IMMP2L: variants seen among roughly 807,000 people sequenced by gnomAD.
IMMP2L encodes inner mitochondrial membrane peptidase subunit 2, also known as mitochondrial inner membrane protease subunit 2.
Under a neutral mutation model 19.3 loss-of-function variants are expected in IMMP2L, and 18 were observed. The observed-to-expected ratio is 0.93, with a 90% confidence interval of 0.64 to 1.38. IMMP2L has a LOEUF of 1.38. Ranked by LOEUF, IMMP2L falls within the 40% of genes most tolerant of loss-of-function variation. The pLI is 0.00. For synonymous variants in IMMP2L, 76 were observed against 73.0 expected (o/e 1.04, Z -0.21); for missense variants, 233 against 218.2 (o/e 1.07, Z -0.43).
intron 3 of IMMP2L, among the ~76,000 whole-genome samples, chr7:111,193,972 T>C (rs186366071): frequency 6.6e-6 from 1 of 152,332 alleles, no homozygotes; most frequent in East Asian, 1.9e-4. Context: ...AAAATTTCTC[T>C]GCTCTTTTAG....
chr7:110,849,037 C>T (rs1805944244), intron 5 of IMMP2L, among the ~76,000 whole-genome samples: 1 of 151,966 alleles, frequency 6.6e-6, no homozygotes, highest in African/African-American at 2.4e-5. Context: ...ATGTACACAA[C>T]CAAGAACGAA....
At chr7:110,945,443 G>C (rs992153967) in intron 4 of IMMP2L, among the ~76,000 whole-genome samples, 2 of 151,836 alleles carry the variant, frequency 1.3e-5, no homozygotes, top group African/African-American at 2.4e-5. Context: ...CTTGCTTCTT[G>C]CACTTTCCCT....
rs922798798 is a variant in IMMP2L at position 110,914,737 on chromosome 7, C to T, written c.306-28042G>A. ...AAACTAAGTTCTTTCAGACACATTA[C>T]AGCAAGTTTAGTATGAGTTTAATTT... On this transcript the variant is annotated intron_variant, in intron 4 of 5. Transcript: ENST00000405709. Among the ~76,000 whole-genome samples, 10 of 152,252 alleles carry T rather than the reference C, an allele frequency of 6.6e-5. No individual in the cohort carries two copies. The East Asian group carries it at 1.7e-3, about 26-fold the overall frequency.
intron 3 of IMMP2L, among the ~76,000 whole-genome samples, chr7:111,201,682 C>G (rs997398259): frequency 2.0e-5 from 3 of 150,738 alleles, no homozygotes; most frequent in African/African-American, 7.3e-5. Context: ...CGCCACTGCA[C>G]TCCAGCCTTG....
chr7:111,251,142 G>A (rs1056453810), intron 3 of IMMP2L, among the ~76,000 whole-genome samples: 5 of 152,084 alleles, frequency 3.3e-5, no homozygotes, highest in Admixed American at 2.6e-4. Flanking sequence ...GTAAACATAT[G>A]AAAAAAGCTC....
chr7:110,796,450 G>A (rs1021279313), intron 5 of IMMP2L, among the ~76,000 whole-genome samples: 1 of 151,900 alleles, frequency 6.6e-6, no homozygotes, highest in East Asian at 1.9e-4. Context: ...ATCTTTTCTT[G>A]TCTTCATTAT....
chr7:110,848,401 G>A (rs1427917610), intron 5 of IMMP2L, among the ~76,000 whole-genome samples: 1 of 152,112 alleles, frequency 6.6e-6, no homozygotes, highest in Non-Finnish European at 1.5e-5. Context: ...CCGAAATGCT[G>A]ACAACCCCAA....
chr7:110,879,847 A>T (rs148351912), intron 5 of IMMP2L, among the ~76,000 whole-genome samples: 1,829 of 152,240 alleles, frequency 0.012, 24 homozygotes, highest in Middle Eastern at 0.068. Flanking sequence ...TGTCAAATAC[A>T]AGTGGTAAGA....
At chr7:111,381,623 A>G (rs1391687749) in intron 3 of IMMP2L, among the ~76,000 whole-genome samples, 1 of 151,998 alleles carries the variant, frequency 6.6e-6, no homozygotes, top group Non-Finnish European at 1.5e-5. Flanking sequence ...AGACTATTGC[A>G]ATCGCCAAGG....
chr7:111,335,461 C>A (rs1339287932), intron 3 of IMMP2L, among the ~76,000 whole-genome samples: 4 of 151,890 alleles, frequency 2.6e-5, no homozygotes, highest in South Asian at 4.2e-4. Context: ...TTATATAGAA[C>A]AACTCAAAAT....
At chr7:110,975,550 G>T (rs921618044) in intron 3 of IMMP2L, among the ~76,000 whole-genome samples, 2 of 152,242 alleles carry the variant, frequency 1.3e-5, no homozygotes, top group Non-Finnish European at 2.9e-5. Context: ...AATGCATGCA[G>T]AATTTCTTAA....
At chr7:111,459,998 A>G (rs1445389990) in intron 3 of IMMP2L, among the ~76,000 whole-genome samples, 1 of 152,156 alleles carries the variant, frequency 6.6e-6, no homozygotes, top group Admixed American at 6.6e-5. Flanking sequence ...AAAATGCTTC[A>G]TGGAGTAGCT....
At chr7:110,897,153 T>C (rs1181615956) in intron 4 of IMMP2L, among the ~76,000 whole-genome samples, 1 of 152,144 alleles carries the variant, frequency 6.6e-6, no homozygotes, top group African/African-American at 2.4e-5. Context: ...AAAGGTATGC[T>C]GTAAAATAAC....
intron 3 of IMMP2L, among the ~76,000 whole-genome samples, chr7:111,223,406 T>A (rs1412315508): frequency 6.6e-6 from 1 of 152,092 alleles, no homozygotes; most frequent in Non-Finnish European, 1.5e-5. Context: ...AGAAAAATTA[T>A]TTTTTAAAGT....
chr7:111,239,104 T>C (rs184480856), intron 3 of IMMP2L, among the ~76,000 whole-genome samples: 1 of 151,950 alleles, frequency 6.6e-6, no homozygotes, highest in Non-Finnish European at 1.5e-5. Context: ...ACAGACCATC[T>C]TTCTCATATG....
At chr7:111,492,308 C>A (rs1843180501) in intron 2 of IMMP2L, 1 of 770,758 alleles carries the variant, frequency 1.3e-6, no homozygotes. Flanking sequence ...ACTCCAGCCC[C>A]CAAATATACT....
At chr7:111,351,293 C>T (rs1245734725) in intron 3 of IMMP2L, among the ~76,000 whole-genome samples, 5 of 152,218 alleles carry the variant, frequency 3.3e-5, no homozygotes, top group Non-Finnish European at 4.4e-5. Flanking sequence ...TGGGTTCAAG[C>T]GATTCTCCTG....
At chr7:111,473,246 G>A (rs1585248013) in intron 3 of IMMP2L, among the ~76,000 whole-genome samples, 2 of 152,074 alleles carry the variant, frequency 1.3e-5, no homozygotes, top group South Asian at 2.1e-4. Flanking sequence ...TTTCCATGGC[G>A]ATCTGCATGT....
At chr7:111,036,154 A>G (rs1791328363) in intron 3 of IMMP2L, among the ~76,000 whole-genome samples, 1 of 152,204 alleles carries the variant, frequency 6.6e-6, no homozygotes, top group Non-Finnish European at 1.5e-5. Context: ...ACTTAGAACT[A>G]ACATAAGAAA....
Sources: gnomAD v4.1 joint callset for allele counts (sites outside exome capture counted in the v4.1 genomes callset) on GRCh38, gnomAD v4.1.1 for gene constraint, MANE v1.5 for transcripts, NCBI Gene and HGNC (gene_info 2026-07-23, HGNC 2026-07-21) for gene names.